Variants in PDE1A observed in about 807,000 individuals in gnomAD.
PDE1A encodes the protein phosphodiesterase 1A.
Under a neutral mutation model 61.7 loss-of-function variants are expected in PDE1A, and 35 were observed. That is an observed-to-expected ratio of 0.57 (90% CI 0.43 to 0.75). The LOEUF (loss-of-function observed/expected upper bound fraction) is 0.75, where lower values mean the gene tolerates loss of function less well. Among genes scored for constraint, PDE1A ranks in the 30% least tolerant of loss-of-function variants. The pLI, the probability that PDE1A is intolerant of heterozygous loss-of-function variation, is 0.00. For missense variants in PDE1A, 597 were observed against 630.6 expected (o/e 0.95, Z 0.57); for synonymous variants, 232 against 213.2 (o/e 1.09, Z -0.77).
intron 2 of PDE1A, among the ~76,000 whole-genome samples, chr2:182,453,773 T>C (rs1685695197): frequency 1.3e-5 from 2 of 152,132 alleles, no homozygotes; most frequent in African/African-American, 2.4e-5. Flanking sequence ...TATCTCAAAA[T>C]AATAAGAGCT....
At chr2:182,184,054 G>GAAAGAAAGAAAGA (rs1325067927) in intron 13 of PDE1A, among the ~76,000 whole-genome samples, 4 of 135,558 alleles carry the variant, frequency 3.0e-5, no homozygotes, top group Admixed American at 1.5e-4. Flanking sequence ...AAGAAAGAAA[G>GAAAGAAAGAAAGA]AACAATTAAA....
chr2:182,267,095 C>T (rs1692684896), intron 1 of PDE1A, among the ~76,000 whole-genome samples: 1 of 151,976 alleles, frequency 6.6e-6, no homozygotes, highest in South Asian at 2.1e-4. Context: ...CCCTAGGAGA[C>T]CATGGACAAG....
the PDE1A span, among the ~76,000 whole-genome samples, chr2:182,702,895 T>C: frequency 2.0e-5 from 3 of 152,212 alleles, no homozygotes; most frequent in African/African-American, 7.2e-5. Flanking sequence ...ATATATCAGT[T>C]TGGATTTGTG....
the PDE1A span, among the ~76,000 whole-genome samples, chr2:182,668,168 A>G: frequency 6.6e-6 from 1 of 152,196 alleles, no homozygotes; most frequent in Non-Finnish European, 1.5e-5. Flanking sequence ...ATTTAAGAGT[A>G]GCCTGAGGTA....
At chr2:182,377,253 T>G (rs757266952) in intron 1 of PDE1A, among the ~76,000 whole-genome samples, 1 of 152,148 alleles carries the variant, frequency 6.6e-6, no homozygotes, top group Non-Finnish European at 1.5e-5. Context: ...TTGGTGATAG[T>G]GAGTTCTCAT....
the PDE1A span, among the ~76,000 whole-genome samples, chr2:182,700,239 T>C: frequency 6.6e-6 from 1 of 152,144 alleles, no homozygotes; most frequent in Non-Finnish European, 1.5e-5. Flanking sequence ...GTTTCCAAAA[T>C]ACAACACACA....
At chr2:182,587,148 T>C in the PDE1A span, among the ~76,000 whole-genome samples, 1 of 152,162 alleles carries the variant, frequency 6.6e-6, no homozygotes, top group Admixed American at 6.5e-5. Flanking sequence ...TCAGCATTAT[T>C]GGGGCACAGA....
chr2:182,583,629 A>C, the PDE1A span, among the ~76,000 whole-genome samples: 3 of 152,020 alleles, frequency 2.0e-5, no homozygotes, highest in African/African-American at 7.2e-5. Flanking sequence ...TGTTTTGGGG[A>C]AGTTGGGTTC....
At chr2:182,229,293 T>A (rs376966623) in intron 6 of PDE1A, among the ~76,000 whole-genome samples, 2 of 152,220 alleles carry the variant, frequency 1.3e-5, no homozygotes, top group East Asian at 3.9e-4. Flanking sequence ...TTAAAGCAGG[T>A]GCTAGGATTT....
chr2:182,459,908 A>G (rs1434612427), intron 2 of PDE1A, among the ~76,000 whole-genome samples: 1 of 152,188 alleles, frequency 6.6e-6, no homozygotes, highest in African/African-American at 2.4e-5. Context: ...TAGGAGCTCA[A>G]TAAATACTAA....
intron 1 of PDE1A, among the ~76,000 whole-genome samples, chr2:182,269,421 G>A (rs13416498): frequency 0.048 from 7,258 of 152,026 alleles, 533 homozygotes; most frequent in African/African-American, 0.17. Context: ...CCAGGAGGAG[G>A]AGGTTGTGGT....
chr2:182,477,482 G>A (rs140421198), intron 2 of PDE1A, among the ~76,000 whole-genome samples: 18 of 151,964 alleles, frequency 1.2e-4, no homozygotes, highest in African/African-American at 2.7e-4. Flanking sequence ...CTTGAGTCAC[G>A]TAGTGAATGG....
At chr2:182,627,248 AAT>A in the PDE1A span, among the ~76,000 whole-genome samples, 22 of 27,884 alleles carry the variant, frequency 7.9e-4, 5 homozygotes, top group Admixed American at 1.8e-3. Flanking sequence ...ATAAAATATA[AAT>A]AATATATTAT....
intron 2 of PDE1A, among the ~76,000 whole-genome samples, chr2:182,248,149 G>T (rs905401006): frequency 1.3e-5 from 2 of 151,592 alleles, no homozygotes; most frequent in African/African-American, 4.8e-5. Flanking sequence ...CTCAGCTACT[G>T]GGGAGGCTGA....
chr2:182,157,226 G>T (rs766903934), intron 13 of PDE1A, among the ~76,000 whole-genome samples: 4 of 151,810 alleles, frequency 2.6e-5, no homozygotes, highest in Non-Finnish European at 5.9e-5. Flanking sequence ...TGTTGGCCAG[G>T]CTGGTCTCAA....
chr2:182,505,501 C>A (rs1227972442), intron 2 of PDE1A, among the ~76,000 whole-genome samples: 1 of 152,122 alleles, frequency 6.6e-6, no homozygotes, highest in Admixed American at 6.5e-5. Context: ...AGGGCCTGGG[C>A]ACTTTGATTT....
At chr2:182,589,059 T>G in the PDE1A span, among the ~76,000 whole-genome samples, 1 of 61,074 alleles carries the variant, frequency 1.6e-5, no homozygotes, top group Non-Finnish European at 3.1e-5. Flanking sequence ...ATAATAATAA[T>G]AATAATAATA....
chr2:182,581,320 T>G, the PDE1A span, among the ~76,000 whole-genome samples: 12 of 151,878 alleles, frequency 7.9e-5, no homozygotes, highest in South Asian at 2.5e-3. Context: ...AGAACAGAAT[T>G]GGGTACAAAC....
At chr2:182,542,678 T>C in the PDE1A span, among the ~76,000 whole-genome samples, 2 of 152,198 alleles carry the variant, frequency 1.3e-5, no homozygotes, top group African/African-American at 4.8e-5. Flanking sequence ...CTTGGTTCCA[T>C]GGCATATCAT....
Sources: allele counts gnomAD v4.1 joint callset (sites outside exome capture counted in the v4.1 genomes callset), GRCh38; gene constraint gnomAD v4.1.1; transcripts MANE v1.5; gene names NCBI Gene and HGNC (gene_info 2026-07-23, HGNC 2026-07-21).